Variants in MACROD2 observed in about 807,000 individuals in gnomAD.
MACROD2 encodes ADP-ribose glycohydrolase MACROD2.
Under a neutral mutation model 70.4 loss-of-function variants are expected in MACROD2, and 36 were observed. That is an observed-to-expected ratio of 0.51 (90% CI 0.39 to 0.68). The LOEUF (loss-of-function observed/expected upper bound fraction) is 0.68, where lower values mean the gene tolerates loss of function less well. Among genes scored for constraint, MACROD2 ranks in the 30% least tolerant of loss-of-function variants. The probability of loss-of-function intolerance (pLI) is 0.00; values close to 1 mark genes in which losing one functional copy is unlikely to be tolerated. For missense variants in MACROD2, 496 were observed against 538.4 expected (o/e 0.92, Z 0.78); for synonymous variants, 172 against 178.8 (o/e 0.96, Z 0.30).
At chr20:15,295,866 T>A (rs2077582911) in intron 6 of MACROD2, among the ~76,000 whole-genome samples, 4 of 152,142 alleles carry the variant, frequency 2.6e-5, no homozygotes, top group Admixed American at 2.6e-4. Flanking sequence ...TAGCTCATAA[T>A]CTTCCTGCAC....
intron 5 of MACROD2, among the ~76,000 whole-genome samples, chr20:14,959,178 C>T (rs1447313843): frequency 6.6e-6 from 1 of 152,148 alleles, no homozygotes; most frequent in Non-Finnish European, 1.5e-5. Context: ...GTTGCCCAGG[C>T]TGGAGTGCAG....
intron 5 of MACROD2, among the ~76,000 whole-genome samples, chr20:14,702,511 G>T (rs1405982749): frequency 6.7e-6 from 1 of 148,534 alleles, no homozygotes; most frequent in Non-Finnish European, 1.5e-5. Flanking sequence ...GGGCTGTACT[G>T]TTTCTTGGCT....
chr20:14,721,025 C>T (rs975552479), intron 5 of MACROD2, among the ~76,000 whole-genome samples: 40 of 151,880 alleles, frequency 2.6e-4, no homozygotes, highest in African/African-American at 8.9e-4. Flanking sequence ...GAGGCCGAGG[C>T]GGGTGGGTTG....
intron 7 of MACROD2, among the ~76,000 whole-genome samples, chr20:15,441,125 G>T (rs111687649): frequency 0.012 from 1,814 of 152,166 alleles, 16 homozygotes; most frequent in Non-Finnish European, 0.019. Context: ...CAAAATTCTG[G>T]CTATTCAATT....
At chr20:16,042,076 G>A (rs779686865) in intron 16 of MACROD2, among the ~76,000 whole-genome samples, 3 of 152,002 alleles carry the variant, frequency 2.0e-5, no homozygotes, top group Non-Finnish European at 4.4e-5. Context: ...AGTTGATAAT[G>A]ACCTTGGAAA....
chr20:15,000,328 C>T (rs983081300), intron 5 of MACROD2, among the ~76,000 whole-genome samples: 3 of 149,926 alleles, frequency 2.0e-5, no homozygotes, highest in Non-Finnish European at 4.4e-5. Flanking sequence ...ATAACTTCAT[C>T]AAGAGGTAGA....
chr20:15,538,392 A>C (rs548483135), intron 8 of MACROD2, among the ~76,000 whole-genome samples: 90 of 152,322 alleles, frequency 5.9e-4, no homozygotes, highest in Middle Eastern at 3.4e-3. Context: ...AAAGGAATCT[A>C]AGATTTCTTG....
chr20:14,609,803 C>G (rs1021889425), intron 4 of MACROD2, among the ~76,000 whole-genome samples: 2 of 152,084 alleles, frequency 1.3e-5, no homozygotes, highest in Non-Finnish European at 2.9e-5. Flanking sequence ...GATAACAGGA[C>G]TGTCTGGGGT....
intron 6 of MACROD2, among the ~76,000 whole-genome samples, chr20:15,265,093 C>T (rs2077281589): frequency 6.6e-6 from 1 of 152,100 alleles, no homozygotes; most frequent in African/African-American, 2.4e-5. Context: ...CTGGAGAAAA[C>T]TGTGAAATAG....
At chr20:14,125,168 G>A (rs2054632741) in intron 3 of MACROD2, among the ~76,000 whole-genome samples, 1 of 152,130 alleles carries the variant, frequency 6.6e-6, no homozygotes, top group African/African-American at 2.4e-5. Context: ...GGGAGTGACT[G>A]TTTAATGGAT....
At chr20:15,702,583 C>A (rs1385823277) in intron 8 of MACROD2, among the ~76,000 whole-genome samples, 1 of 151,990 alleles carries the variant, frequency 6.6e-6, no homozygotes, top group Non-Finnish European at 1.5e-5. Context: ...TTGTTGAATG[C>A]ATAATTTGTG....
chr20:15,127,445 T>C (rs763977646), intron 5 of MACROD2, among the ~76,000 whole-genome samples: 4 of 152,154 alleles, frequency 2.6e-5, no homozygotes, highest in Non-Finnish European at 4.4e-5. Flanking sequence ...ATACAGTTTT[T>C]GGCATTCATG....
chr20:14,300,591 T>G (rs547746322), intron 3 of MACROD2, among the ~76,000 whole-genome samples: 1 of 152,318 alleles, frequency 6.6e-6, no homozygotes, highest in South Asian at 2.1e-4. Context: ...GCCAGTCACT[T>G]ATGTTTTTAA....
chr20:14,907,936 A>G (rs1272280935), intron 5 of MACROD2, among the ~76,000 whole-genome samples: 1 of 152,224 alleles, frequency 6.6e-6, no homozygotes, highest in African/African-American at 2.4e-5. Flanking sequence ...AGATGCACAC[A>G]TAATTACTTT....
chr20:14,484,665 C>A (rs916578658), intron 3 of MACROD2, among the ~76,000 whole-genome samples: 6 of 152,120 alleles, frequency 3.9e-5, no homozygotes, highest in Non-Finnish European at 8.8e-5. Flanking sequence ...ATTTTTAGCT[C>A]CCACAAATAA....
intron 15 of MACROD2, among the ~76,000 whole-genome samples, chr20:16,008,609 G>A (rs779445472): frequency 6.6e-6 from 1 of 152,058 alleles, no homozygotes; most frequent in Non-Finnish European, 1.5e-5. Flanking sequence ...CTGTAAATGG[G>A]GATCATAATA....
intron 8 of MACROD2, among the ~76,000 whole-genome samples, chr20:15,591,821 G>C (rs1337450451): frequency 6.6e-6 from 1 of 152,082 alleles, no homozygotes; most frequent in Non-Finnish European, 1.5e-5. Flanking sequence ...TGTGAAACCT[G>C]ACTTCCTTCC....
intron 15 of MACROD2, among the ~76,000 whole-genome samples, chr20:16,029,508 CA>C (rs754277067): frequency 1.3e-5 from 2 of 152,148 alleles, no homozygotes; most frequent in Non-Finnish European, 2.9e-5. Context: ...AAGCAAGTAT[CA>C]TCAACAAAAA....
chr20:14,632,687 T>C (rs1984578451), intron 4 of MACROD2, among the ~76,000 whole-genome samples: 1 of 152,206 alleles, frequency 6.6e-6, no homozygotes, highest in South Asian at 2.1e-4. Flanking sequence ...GATACAGAGA[T>C]GTTTATTTAA....
Sources: allele counts gnomAD v4.1 joint callset (sites outside exome capture counted in the v4.1 genomes callset), GRCh38; gene constraint gnomAD v4.1.1; transcripts MANE v1.5; gene names NCBI Gene and HGNC (gene_info 2026-07-23, HGNC 2026-07-21).